Variants in SYPL2 observed in about 807,000 individuals in gnomAD.
SYPL2 encodes synaptophysin like 2.
Under a neutral mutation model 31.3 loss-of-function variants are expected in SYPL2, and 24 were observed. The observed-to-expected ratio is 0.77, with a 90% CI of 0.56 to 1.08. The LOEUF (loss-of-function observed/expected upper bound fraction) is 1.08. Ranked by LOEUF, SYPL2 falls within the 50% of genes least tolerant of loss-of-function variation. SYPL2 has a pLI of 0.00. For missense variants in SYPL2, 342 were observed against 360.1 expected (o/e 0.95, Z 0.41); for synonymous variants, 144 against 143.1 (o/e 1.01, Z -0.05).
intron 2 of SYPL2, among the ~76,000 whole-genome samples, chr1:109,473,952 C>T (rs1460241242): frequency 1.3e-5 from 2 of 152,018 alleles, no homozygotes; most frequent in South Asian, 2.1e-4. Flanking sequence ...TATCAGAGCT[C>T]ACCTGGCTAA....
chr1:109,470,687 C>T (rs1655805325), intron 2 of SYPL2, among the ~76,000 whole-genome samples: 1 of 152,156 alleles, frequency 6.6e-6, no homozygotes, highest in African/African-American at 2.4e-5. Flanking sequence ...TTCTTTCCTT[C>T]TCTTCTCTGT....
At position 109,479,867 on chromosome 1, in the gene SYPL2, G is replaced by C. The variant is rs1656113713; in HGVS notation, c.*319G>C. On this transcript the variant is annotated 3_prime_UTR_variant, in exon 6 of 6. Coordinates refer to ENST00000369872, the MANE Select transcript of SYPL2 (RefSeq NM_001040709.2). ...CAGCCTCTGCTGCAGGTGAGGGTTG[G>C]GGGCAGGAAACCAGTGCTCTGAGAC... 3.3e-6 allele frequency: 1 copy of C among 306,388 alleles called. No individual in the cohort carries two copies. The highest frequency in any genetic ancestry group is 6.0e-6 in the Non-Finnish European group (1 of 165,620). The allele number at this position is 306,388 out of a possible 1,614,324, so 19.0% of individuals were successfully genotyped here.
chr1:109,473,166 T>C (rs1202569228), intron 2 of SYPL2, among the ~76,000 whole-genome samples: 1 of 152,042 alleles, frequency 6.6e-6, no homozygotes, highest in East Asian at 1.9e-4. Flanking sequence ...TGAGGCCACT[T>C]TGAGTAAGTA....
In SYPL2 at chr1:109,466,751, C is replaced by T; in HGVS notation, c.-93C>T. The stretch of plus-strand genomic sequence containing the variant: ...CCGGCCCCGCTCGCCTGCTCTGCCC[C>T]GGACCTGCAGCTCCCCGCTCCCCCG... On this transcript the variant is annotated 5_prime_UTR_variant, in exon 1 of 6. Coordinates refer to ENST00000369872, the MANE Select transcript of SYPL2 (RefSeq NM_001040709.2). The T allele has an allele frequency of 7.3e-7, 1 of 1,362,152 alleles. No homozygotes were observed. The highest frequency in any genetic ancestry group is 9.5e-7 in the Non-Finnish European group (1 of 1,048,256). 84.4% of individuals were successfully genotyped at this position (1,362,152 alleles called of 1,614,324 possible).
At chr1:109,472,589 ACTTT>A (rs1483727279) in intron 2 of SYPL2, among the ~76,000 whole-genome samples, 2 of 139,532 alleles carry the variant, frequency 1.4e-5, no homozygotes, top group African/African-American at 2.7e-5. Context: ...TTGAGTACCT[ACTTT>A]CTTTTTCTTT....
At position 109,476,817 on chromosome 1, in the gene SYPL2, A is replaced by T; in HGVS notation, c.296A>T (p.Glu99Val). The T allele has an allele frequency of 6.2e-7, 1 of 1,614,150 alleles. No individual in the cohort carries two copies. Among genetic ancestry groups the T allele is most frequent in the South Asian group, 1.1e-5 (1 of 91,076 alleles). ...TATGAGATGCCCCTCTGCGATGAAGAGTCCAGCTCCAAGACCATGCACCTC... is the reference window on the plus strand; with the variant it reads ...TATGAGATGCCCCTCTGCGATGAAGTGTCCAGCTCCAAGACCATGCACCTC... ...IQYEMPLCDE[E>V]SSSKTMHLMG... Residue 99 changes from glutamate to valine, a missense_variant, in exon 4 of 6, where the codon GAG (glutamate) becomes GTG (valine). Physicochemically the swap from Glu to Val is moderately radical, Grantham distance 121 (BLOSUM62 -2). Coordinates refer to ENST00000369872, the MANE Select transcript of SYPL2 (RefSeq NM_001040709.2).
chr1:109,475,754 G>C (rs1285266760), intron 3 of SYPL2, 49 bp downstream of exon 3: 2 of 1,586,616 alleles, frequency 1.3e-6, no homozygotes, highest in African/African-American at 2.7e-5. Flanking sequence ...CACTTGACTG[G>C]CAGGACCTGC....
At chr1:109,467,892 A>G (rs1192887170) in intron 2 of SYPL2, among the ~76,000 whole-genome samples, 3 of 152,156 alleles carry the variant, frequency 2.0e-5, no homozygotes, top group Non-Finnish European at 4.4e-5. Flanking sequence ...CTGGACTTCA[A>G]TTTCCAACAC....
Position 109,481,668 on chromosome 1 carries a change from G to A in SYPL2, c.*2120G>A, listed in dbSNP as rs578129157. ...ACTCTCTTTAGAGCAAGGAAGCCTC[G>A]TTCTCTTTCTTCTCAAGAGGCTCTC... On this transcript the variant is annotated 3_prime_UTR_variant, in exon 6 of 6. Transcript: ENST00000369872. The A allele has an allele frequency of 2.0e-5, 3 of 151,994 alleles. No homozygotes were observed. Among genetic ancestry groups the A allele is most frequent in the East Asian group, 1.9e-4 (1 of 5,156 alleles). 9.4% of individuals were successfully genotyped at this position (151,994 alleles called of 1,614,324 possible). A position where few individuals can be genotyped will look rare whatever the true frequency, so the allele number is the denominator to read the frequency against.
chr1:109,470,554 G>A (rs1362322766), intron 2 of SYPL2, among the ~76,000 whole-genome samples: 3 of 152,220 alleles, frequency 2.0e-5, no homozygotes, highest in Non-Finnish European at 4.4e-5. Flanking sequence ...GAGGAGAAAG[G>A]CTGGTTGGCA....
Position 109,466,851 on chromosome 1 carries a change from C to A in SYPL2, c.8C>A (p.Ser3Ter). The change falls in exon 1 of 6, where the codon TCG (serine) becomes TAG (stop). Residue 3 changes from serine (S) to a stop codon, truncating the protein, a stop_gained. Transcript: ENST00000369872. LOFTEE classifies it high-confidence loss of function. ...AGCGCTCGCCGCGCCAGCATGTCCT[C>A]GACCGAGAGCGCCGGCCGCACGGCG... MS[S>*]TESAGRTADK... The A allele has an allele frequency of 6.5e-7, 1 of 1,528,154 alleles. No individual in the cohort carries two copies. The highest frequency in any genetic ancestry group is 2.0e-5 in the Admixed American group (1 of 50,656). The allele number at this position is 1,528,154 out of a possible 1,614,324, so 94.7% of individuals were successfully genotyped here. A position where few individuals can be genotyped will look rare whatever the true frequency, so the allele number is the denominator to read the frequency against.
rs1158381642 is a variant in SYPL2 at position 109,478,031 on chromosome 1, G to A, written c.648+22G>A. On this transcript the variant is annotated intron_variant, in intron 5 of 5. Transcript: ENST00000369872. The surrounding 1 kb of genome is among the most constrained non-coding windows in gnomAD (Gnocchi z 4.0). ...CGTGGTGAGACCTGTGGCCACTGCA[G>A]GAAGCAGCACCAGCCCTGCTGCCCA... 1 of 1,612,972 alleles carries A rather than the reference G, an allele frequency of 6.2e-7. No homozygotes were observed. Among genetic ancestry groups the A allele is most frequent in the South Asian group, 1.1e-5 (1 of 90,944 alleles).
At chr1:109,474,272 T>C (rs547812975) in intron 2 of SYPL2, among the ~76,000 whole-genome samples, 2 of 151,980 alleles carry the variant, frequency 1.3e-5, no homozygotes, top group East Asian at 3.9e-4. Flanking sequence ...ATGTGGAGGA[T>C]AAGACATTTC....
chr1:109,476,861 C>A lies in SYPL2; in HGVS notation c.340C>A (p.Pro114Thr), dbSNP rs971348454. 6.2e-7 allele frequency: 1 copy of A among 1,614,218 alleles called. No individual in the cohort carries two copies. The highest frequency in any genetic ancestry group is 1.1e-5 in the South Asian group (1 of 91,084). The change falls in exon 4 of 6, where the codon CCC becomes ACC. Residue 114 changes from proline to threonine, a missense_variant. Pro to Thr is a conservative substitution (Grantham distance 38, BLOSUM62 -1). Coordinates refer to ENST00000369872, the MANE Select transcript of SYPL2 (RefSeq NM_001040709.2). ...GCACCTCATGGGGGACTTCTCTGCA[C>A]CCGCCGAGTTCTTCGTGACCCTTGG... is the stretch of plus-strand genomic sequence containing the variant. The part of the protein sequence containing the change: ...TMHLMGDFSA[P>T]AEFFVTLGIF...
chr1:109,472,477 A>G (rs921111851), intron 2 of SYPL2, among the ~76,000 whole-genome samples: 1 of 152,046 alleles, frequency 6.6e-6, no homozygotes, highest in Non-Finnish European at 1.5e-5. Context: ...GGCATAGTAC[A>G]TGCTCTTAAA....
At position 109,466,801 on chromosome 1, in the gene SYPL2, A is replaced by G; in HGVS notation, c.-43A>G. 2.0e-6 allele frequency: 3 copies of G among 1,491,212 alleles called. No homozygotes were observed. Among genetic ancestry groups the G allele is most frequent in the South Asian group, 1.3e-5 (1 of 79,588 alleles). 92.4% of individuals were successfully genotyped at this position (1,491,212 alleles called of 1,614,324 possible). Reference sequence around the variant, plus strand: ...GCCGTGTCCGCCGCCTCCCGGCCAGAGAGCCAAGCCACCACGCCGCGCCCA... The same window carrying G: ...GCCGTGTCCGCCGCCTCCCGGCCAGGGAGCCAAGCCACCACGCCGCGCCCA... On this transcript the variant is annotated 5_prime_UTR_variant, in exon 1 of 6. Coordinates refer to ENST00000369872, the MANE Select transcript of SYPL2 (RefSeq NM_001040709.2).
intron 2 of SYPL2, among the ~76,000 whole-genome samples, chr1:109,469,959 C>A (rs915412312): frequency 5.3e-5 from 8 of 151,414 alleles, no homozygotes; most frequent in Admixed American, 3.9e-4. Context: ...AGCTCTGGAA[C>A]CTTGAGTGAG....
At chr1:109,477,690 GTTGGGTA>G in intron 4 of SYPL2, 121 bp from the exon 5 acceptor site, 1 of 1,375,408 alleles carries the variant, frequency 7.3e-7, no homozygotes, top group Non-Finnish European at 9.7e-7. Flanking sequence ...GGTTCTAGGT[GTTGGGTA>G]GGATGGGAAG....
At chr1:109,468,076 C>T (rs563678723) in intron 2 of SYPL2, among the ~76,000 whole-genome samples, 59 of 152,304 alleles carry the variant, frequency 3.9e-4, no homozygotes, top group Non-Finnish European at 5.7e-4. Flanking sequence ...TTCACTAGGC[C>T]AGTGCCTAAG....
Sources: gnomAD v4.1 joint callset for allele counts (sites outside exome capture counted in the v4.1 genomes callset) on GRCh38, gnomAD v4.1.1 for gene constraint, Gnocchi (gnomAD v3.1) non-coding constraint, MANE v1.5 for transcripts, NCBI Gene and HGNC (gene_info 2026-07-23, HGNC 2026-07-21) for gene names.